ASB13: variants seen among roughly 807,000 people sequenced by gnomAD.
ASB13 encodes ankyrin repeat and SOCS box protein 13.
A neutral mutation model predicts 28.8 loss-of-function variants in ASB13; 33 were observed. That is an observed-to-expected ratio of 1.15 (90% confidence interval 0.87 to 1.53). The LOEUF is 1.53. ASB13 is among the 40% of genes most tolerant of loss of function. The pLI is 0.00. For missense variants in ASB13, 414 were observed against 390.1 expected (o/e 1.06, Z -0.52); for synonymous variants, 182 against 172.9 (o/e 1.05, Z -0.41).
rs1347538606 is a variant in ASB13 at position 5,658,223 on chromosome 10, C to A, written c.44-5173G>T. 6.6e-6 allele frequency among the ~76,000 whole-genome samples: 1 copy of A among 152,022 alleles called. No individual in the cohort carries two copies. The highest frequency in any genetic ancestry group is 1.5e-5 in the Non-Finnish European group (1 of 68,004). ...GTGGCTCAAAACTCTAATCCCAGCA[C>A]TTTGGGAGGCCGAGGCAGGCAATAT... On this transcript the variant is annotated intron_variant, in intron 1 of 5. Coordinates refer to ENST00000357700, the MANE Select transcript of ASB13 (RefSeq NM_024701.4). This position sits in a 1 kb window ranked among gnomAD's most constrained non-coding sequence, Gnocchi z 4.2.
At position 5,651,001 on chromosome 10, in the gene ASB13, C is replaced by T. The variant is rs1834975371; in HGVS notation, c.382+212G>A. 6.6e-6 allele frequency among the ~76,000 whole-genome samples: 1 copy of T among 152,208 alleles called. No individual in the cohort carries two copies. Among genetic ancestry groups the T allele is most frequent in the South Asian group, 2.1e-4 (1 of 4,832 alleles). ...CACAGAATCCTACCCTAGAGTCACC[C>T]ACCCCAGCCCTGGACGAAGACCTCA... On this transcript the variant is annotated intron_variant, in intron 3 of 5. Transcript: ENST00000357700. The surrounding 1 kb of genome is among the most constrained non-coding windows in gnomAD (Gnocchi z 5.1).
Position 5,666,514 on chromosome 10 carries a change from T to A in ASB13, c.38A>T (p.Asp13Val). The change falls in exon 1 of 6, where the codon GAC becomes GTC. Residue 13 changes from aspartate to valine, a missense_variant. By Grantham distance (152) the Asp-to-Val change is radical. Transcript: ENST00000357700. ...TCCGCGGCGCCCGCACGTACCCACG[T>A]CGCCCAGGAAGCAGCCGTCCGCCGC... is the stretch of plus-strand genomic sequence containing the variant. ...PRAADGCFLG[D>V]VGFWVERTPV... The A allele has an allele frequency of 7.8e-7, 1 of 1,285,678 alleles. No homozygotes were observed. The highest frequency in any genetic ancestry group is 9.9e-7 in the Non-Finnish European group (1 of 1,011,802). The allele number at this position is 1,285,678 out of a possible 1,614,324, so 79.6% of individuals were successfully genotyped here.
At chr10:5,647,832 T>C (rs958231980) in intron 4 of ASB13, among the ~76,000 whole-genome samples, 1 of 152,234 alleles carries the variant, frequency 6.6e-6, no homozygotes, top group Admixed American at 6.5e-5. Context: ...CCCAGCTCTC[T>C]GCTAGGCACA....
chr10:5,651,332 G>C lies in ASB13; in HGVS notation c.263C>G (p.Pro88Arg). ...GCCCGAGGCGCAGGCATCGCAGAGC[G>C]GGGTGCTGCCGTCGATGTTGCGAGC... ...VDARNIDGSTPLCDACASGSI... is the reference protein window; with the variant it reads ...VDARNIDGSTRLCDACASGSI... Residue 88 changes from proline to arginine, a missense_variant, in exon 3 of 6, where the codon CCG becomes CGG. Physicochemically the swap from Pro to Arg is moderately radical, Grantham distance 103. Coordinates refer to ENST00000357700, the MANE Select transcript of ASB13 (RefSeq NM_024701.4). This position sits in a 1 kb window ranked among gnomAD's most constrained non-coding sequence, Gnocchi z 5.1. 6.2e-7 allele frequency: 1 copy of C among 1,612,964 alleles called. No individual in the cohort carries two copies. Among genetic ancestry groups the C allele is most frequent in the Non-Finnish European group, 8.5e-7 (1 of 1,179,532 alleles).
chr10:5,641,833 T>TC lies in ASB13; in HGVS notation c.645dup (p.Lys216GlufsTer5). ...CTCCACGTGTAGTCAGACGGCTTCT[T>TC]CCCGCGGTTGTCCCGGGCGTAGATG... On this transcript the variant is annotated frameshift_variant, in exon 5 of 6. Transcript: ENST00000357700. LOFTEE classifies it high-confidence loss of function. The surrounding 1 kb of genome is among the most constrained non-coding windows in gnomAD (Gnocchi z 8.4). 1 of 1,613,242 alleles carries TC rather than the reference T, an allele frequency of 6.2e-7. No individual in the cohort carries two copies. The highest frequency in any genetic ancestry group is 8.5e-7 in the Non-Finnish European group (1 of 1,179,732).
rs888031153 is a variant in ASB13 at position 5,655,668 on chromosome 10, A to T, written c.44-2618T>A. 1.3e-5 allele frequency among the ~76,000 whole-genome samples: 2 copies of T among 152,204 alleles called. No individual in the cohort carries two copies. Among genetic ancestry groups the T allele is most frequent in the Non-Finnish European group, 2.9e-5 (2 of 68,030 alleles). ...TCTCCAGGTGGCCCTCAGCCCCACC[A>T]GTAGTAATGAACAGTAACCCACTGC... On this transcript the variant is annotated intron_variant, in intron 1 of 5. Transcript: ENST00000357700. The surrounding 1 kb of genome is among the most constrained non-coding windows in gnomAD (Gnocchi z 6.2).
In ASB13 at chr10:5,642,049, GT is replaced by G; in HGVS notation, c.518-89del. 1 of 1,322,930 alleles carries G rather than the reference GT, an allele frequency of 7.6e-7. No homozygotes were observed. The highest frequency in any genetic ancestry group is 1.4e-5 in the South Asian group (1 of 72,362). The allele number at this position is 1,322,930 out of a possible 1,614,324, so 81.9% of individuals were successfully genotyped here. On this transcript the variant is annotated intron_variant, in intron 4 of 5. Coordinates refer to ENST00000357700, the MANE Select transcript of ASB13 (RefSeq NM_024701.4). This position sits in a 1 kb window ranked among gnomAD's most constrained non-coding sequence, Gnocchi z 4.1. Reference sequence around the variant, plus strand: ...CAGGTCCGTTTCGTCACACAGCACGGTGGCAGAAGCAATCCCCACCCAGAAG... The same window carrying G: ...CAGGTCCGTTTCGTCACACAGCACGGGGCAGAAGCAATCCCCACCCAGAAG...
At position 5,659,741 on chromosome 10, in the gene ASB13, C is replaced by G. The variant is rs1012722623; in HGVS notation, c.44-6691G>C. On this transcript the variant is annotated intron_variant, in intron 1 of 5. Transcript: ENST00000357700. This position sits in a 1 kb window ranked among gnomAD's most constrained non-coding sequence, Gnocchi z 5.8. ...TTCCCTGGGCCTTCCCTAAGGCCAT[C>G]CCCTGTCACCTTGGGAATAGTACCA... 2.0e-5 allele frequency among the ~76,000 whole-genome samples: 3 copies of G among 152,028 alleles called. No individual in the cohort carries two copies. The South Asian group carries it at 6.2e-4, about 32-fold the overall frequency.
chr10:5,652,036 A>ACC lies in ASB13; in HGVS notation c.232-674_232-673insGG, dbSNP rs1435907868. On this transcript the variant is annotated intron_variant, in intron 2 of 5. Coordinates refer to ENST00000357700, the MANE Select transcript of ASB13 (RefSeq NM_024701.4). This position sits in a 1 kb window ranked among gnomAD's most constrained non-coding sequence, Gnocchi z 5.0. ...AAAAAAAAAAAAAAACCACACACAC[A>ACC]CACACACACACACACACACACACAC... Among the ~76,000 whole-genome samples the ACC allele has an allele frequency of 1.5e-5, 2 of 134,078 alleles. No homozygotes were observed. The highest frequency in any genetic ancestry group is 5.6e-5 in the African/African-American group (2 of 35,630). The allele number at this position is 134,078 out of a possible 152,430, so 88.0% of individuals were successfully genotyped here. A position where few individuals can be genotyped will look rare whatever the true frequency, so the allele number is the denominator to read the frequency against.
In ASB13 at chr10:5,646,601, C is replaced by T. The variant is rs1438128887; in HGVS notation, c.517+2369G>A. On this transcript the variant is annotated intron_variant, in intron 4 of 5. Transcript: ENST00000357700. Reference sequence around the variant, plus strand: ...TGACACCACGGAACCTCCGGTCCAGCCGCCCCTAATCCTGCTCTGCGTCTC... The same window carrying T: ...TGACACCACGGAACCTCCGGTCCAGTCGCCCCTAATCCTGCTCTGCGTCTC... Among the ~76,000 whole-genome samples the T allele has an allele frequency of 2.6e-5, 4 of 152,214 alleles. No individual in the cohort carries two copies. In the East Asian group the frequency reaches 5.8e-4, roughly 22 times the overall value.
chr10:5,642,055 G>T lies in ASB13; in HGVS notation c.518-94C>A. 2 of 1,232,484 alleles carry T rather than the reference G, an allele frequency of 1.6e-6. No homozygotes were observed. Among genetic ancestry groups the T allele is most frequent in the Non-Finnish European group, 1.1e-6 (1 of 875,116 alleles). 76.3% of individuals were successfully genotyped at this position (1,232,484 alleles called of 1,614,324 possible). ...CGTTTCGTCACACAGCACGGTGGCA[G>T]AAGCAATCCCCACCCAGAAGACAAA... is the stretch of plus-strand genomic sequence containing the variant. On this transcript the variant is annotated intron_variant, in intron 4 of 5. Transcript: ENST00000357700. The surrounding 1 kb of genome is among the most constrained non-coding windows in gnomAD (Gnocchi z 4.1).
At chr10:5,666,454 G>GAC in intron 1 of ASB13, 55 bp downstream of exon 1, 1 of 1,261,976 alleles carries the variant, frequency 7.9e-7, no homozygotes, top group South Asian at 2.4e-5. Context: ...TACGCGGCCG[G>GAC]CCTCAGGAGC....
In ASB13 at chr10:5,644,691, A is replaced by G. The variant is rs970284035; in HGVS notation, c.518-2730T>C. 5.9e-5 allele frequency among the ~76,000 whole-genome samples: 9 copies of G among 152,070 alleles called. No homozygotes were observed. Among genetic ancestry groups the G allele is most frequent in the African/African-American group, 2.2e-4 (9 of 41,402 alleles). ...AAATTACCTGGGCGTGGTGGTGCAC[A>G]TCTATAATCCCAGCTACTCAGGAGG... On this transcript the variant is annotated intron_variant, in intron 4 of 5. Transcript: ENST00000357700. This position sits in a 1 kb window ranked among gnomAD's most constrained non-coding sequence, Gnocchi z 5.1.
Position 5,641,804 on chromosome 10 carries a change from G to A in ASB13, c.675C>T (p.Ser225=). ...ACTCGAAGCACTTGGCGGGAGCGCT[G>A]CTGCTCCACGTGTAGTCAGACGGCT... ...GKKPSDYTWS[S]SAPAKCFEYY... Residue 225 remains serine, a synonymous_variant, in exon 5 of 6, where the codon AGC becomes AGT. Transcript: ENST00000357700. This position sits in a 1 kb window ranked among gnomAD's most constrained non-coding sequence, Gnocchi z 8.4. The A allele has an allele frequency of 6.2e-7, 1 of 1,609,274 alleles. No homozygotes were observed. The highest frequency in any genetic ancestry group is 8.5e-7 in the Non-Finnish European group (1 of 1,177,952).
At chr10:5,643,285 A>T (rs1439450640) in intron 4 of ASB13, among the ~76,000 whole-genome samples, 1 of 152,220 alleles carries the variant, frequency 6.6e-6, no homozygotes, top group Non-Finnish European at 1.5e-5. Context: ...GAGAGGTGGA[A>T]CGCTTTTACA....
At position 5,642,652 on chromosome 10, in the gene ASB13, G is replaced by GT. The variant is rs1834827540; in HGVS notation, c.518-692_518-691insA. 2 of 427,786 alleles carry GT rather than the reference G, an allele frequency of 4.7e-6. No homozygotes were observed. Among genetic ancestry groups the GT allele is most frequent in the Non-Finnish European group, 3.5e-6 (1 of 283,424 alleles). The allele number at this position is 427,786 out of a possible 1,614,324, so 26.5% of individuals were successfully genotyped here. A position where few individuals can be genotyped will look rare whatever the true frequency, so the allele number is the denominator to read the frequency against. On this transcript the variant is annotated intron_variant, in intron 4 of 5. Coordinates refer to ENST00000357700, the MANE Select transcript of ASB13 (RefSeq NM_024701.4). This position sits in a 1 kb window ranked among gnomAD's most constrained non-coding sequence, Gnocchi z 4.1. ...TAGTAGCTAAATATGGCTGGTTTTG[G>GT]GTTTTTTTTTTTGAGACAGAGTCTC...
intron 1 of ASB13, among the ~76,000 whole-genome samples, chr10:5,653,699 T>C (rs1835026665): frequency 6.9e-6 from 1 of 145,192 alleles, no homozygotes; most frequent in Non-Finnish European, 1.5e-5. Flanking sequence ...TATTTATTTA[T>C]GAGACGGAGT....
At chr10:5,654,530 C>T (rs533517314) in intron 1 of ASB13, among the ~76,000 whole-genome samples, 1 of 152,340 alleles carries the variant, frequency 6.6e-6, no homozygotes, top group East Asian at 1.9e-4. Context: ...CTAACTGGTA[C>T]AGACCGTAAA....
chr10:5,666,175 C>T (rs562357164), intron 1 of ASB13, among the ~76,000 whole-genome samples: 68 of 152,340 alleles, frequency 4.5e-4, no homozygotes, highest in Admixed American at 8.5e-4. Context: ...TCCCCCGCCA[C>T]TGGGCAACGG....
Sources: allele counts gnomAD v4.1 joint callset (sites outside exome capture counted in the v4.1 genomes callset), GRCh38; gene constraint gnomAD v4.1.1; non-coding constraint Gnocchi (gnomAD v3.1); transcripts MANE v1.5; gene names NCBI Gene and HGNC (gene_info 2026-07-23, HGNC 2026-07-21).